VPS13B: variants seen among roughly 807,000 people sequenced by gnomAD.
VPS13B encodes intermembrane lipid transfer protein VPS13B.
A neutral mutation model predicts 426.4 loss-of-function variants in VPS13B; 285 were observed. The observed-to-expected ratio is 0.67, with a 90% CI of 0.61 to 0.74. The LOEUF is 0.74. VPS13B is among the 30% of genes least tolerant of loss of function. VPS13B has a pLI of 0.00. For missense variants in VPS13B, 4,537 were observed against 4,782.6 expected (o/e 0.95, Z 1.51); for synonymous variants, 1,676 against 1,676.4 (o/e 1.00, Z 0.01).
chr8:99,407,211 AAAG>A (rs1455219084), intron 21 of VPS13B, among the ~76,000 whole-genome samples: 1 of 152,206 alleles, frequency 6.6e-6, no homozygotes, highest in Non-Finnish European at 1.5e-5. Context: ...CCAGGGAAAC[AAAG>A]AAGAAAGTAC....
intron 24 of VPS13B, among the ~76,000 whole-genome samples, chr8:99,472,634 A>T (rs1382281866): frequency 6.6e-6 from 1 of 151,976 alleles, no homozygotes. Flanking sequence ...CTAAGAAAAG[A>T]ACAAGAGAAA....
At chr8:99,651,659 T>A (rs1244363244) in intron 34 of VPS13B, among the ~76,000 whole-genome samples, 2 of 152,170 alleles carry the variant, frequency 1.3e-5, no homozygotes, top group African/African-American at 4.8e-5. Context: ...TTAGTTGTGT[T>A]TATAAATATT....
chr8:99,705,717 T>C (rs1478414007), intron 36 of VPS13B, among the ~76,000 whole-genome samples: 3 of 152,206 alleles, frequency 2.0e-5, no homozygotes, highest in African/African-American at 7.2e-5. Flanking sequence ...ATTTTTAAAA[T>C]GTTGTTTATG....
intron 59 of VPS13B, 77 bp downstream of exon 59, chr8:99,868,542 AGT>A (rs1817219616): frequency 6.6e-7 from 1 of 1,523,522 alleles, no homozygotes; most frequent in Non-Finnish European, 8.9e-7. Context: ...TCCCTAAGAT[AGT>A]GTAACCTTTC....
chr8:99,338,505 A>G (rs1338539244), intron 19 of VPS13B, among the ~76,000 whole-genome samples: 1 of 152,128 alleles, frequency 6.6e-6, no homozygotes, highest in Non-Finnish European at 1.5e-5. Context: ...CTGAGAAAAT[A>G]AGATGTGACT....
intron 35 of VPS13B, chr8:99,698,069 G>A (rs1057418801): frequency 3.0e-6 from 1 of 330,162 alleles, no homozygotes; most frequent in Non-Finnish European, 5.9e-6. Context: ...CCTGGCGAGG[G>A]CCGTGAGAGC....
At chr8:99,089,955 T>C (rs940116804) in intron 3 of VPS13B, among the ~76,000 whole-genome samples, 3 of 152,180 alleles carry the variant, frequency 2.0e-5, no homozygotes, top group African/African-American at 7.2e-5. Flanking sequence ...GTCTTATTGC[T>C]ACAAAAAGTC....
intron 19 of VPS13B, among the ~76,000 whole-genome samples, chr8:99,363,178 A>G (rs1337397232): frequency 1.3e-5 from 2 of 152,194 alleles, no homozygotes; most frequent in Admixed American, 6.5e-5. Flanking sequence ...TGATTTTTGC[A>G]TATGGCAAGA....
At chr8:99,781,388 A>G (rs546152416) in intron 42 of VPS13B, among the ~76,000 whole-genome samples, 8 of 152,286 alleles carry the variant, frequency 5.3e-5, no homozygotes, top group Middle Eastern at 3.4e-3. Flanking sequence ...TTAACTGCAA[A>G]TGCTTGTATG....
chr8:99,400,133 A>G (rs1009011267), intron 21 of VPS13B, among the ~76,000 whole-genome samples: 2 of 152,196 alleles, frequency 1.3e-5, no homozygotes, highest in African/African-American at 4.8e-5. Flanking sequence ...AAAGCTTTAG[A>G]AGGTAAATTA....
chr8:99,546,083 T>C (rs1314386893), intron 30 of VPS13B, among the ~76,000 whole-genome samples: 2 of 152,094 alleles, frequency 1.3e-5, no homozygotes, highest in African/African-American at 4.8e-5. Flanking sequence ...AATAGAGAAT[T>C]GCTTAATGAT....
intron 35 of VPS13B, among the ~76,000 whole-genome samples, chr8:99,668,927 GC>G (rs1830593890): frequency 6.6e-6 from 1 of 152,084 alleles, no homozygotes; most frequent in African/African-American, 2.4e-5. Context: ...ACTGCCCTCA[GC>G]TGACATGAGC....
At chr8:99,349,841 G>A (rs1010264865) in intron 19 of VPS13B, among the ~76,000 whole-genome samples, 4 of 152,122 alleles carry the variant, frequency 2.6e-5, no homozygotes, top group Admixed American at 6.5e-5. Context: ...CAGTATATAC[G>A]TATTTTTTAT....
intron 33 of VPS13B, among the ~76,000 whole-genome samples, chr8:99,619,362 A>G (rs1828252698): frequency 6.6e-6 from 1 of 152,168 alleles, no homozygotes; most frequent in Admixed American, 6.5e-5. Context: ...CTCTTAGGAT[A>G]GGGGAAAGTG....
At chr8:99,422,365 G>A (rs1207394200) in intron 21 of VPS13B, among the ~76,000 whole-genome samples, 1 of 152,114 alleles carries the variant, frequency 6.6e-6, no homozygotes, top group Non-Finnish European at 1.5e-5. Context: ...GTGGCGACTG[G>A]AAATATTGCT....
chr8:99,207,159 T>C (rs1331463928), intron 17 of VPS13B, among the ~76,000 whole-genome samples: 1 of 152,156 alleles, frequency 6.6e-6, no homozygotes, highest in Non-Finnish European at 1.5e-5. Flanking sequence ...TGAGAGCTCA[T>C]TTATAGAATA....
intron 20 of VPS13B, among the ~76,000 whole-genome samples, chr8:99,386,474 A>G (rs932449045): frequency 6.6e-6 from 1 of 152,140 alleles, no homozygotes; most frequent in Admixed American, 6.5e-5. Flanking sequence ...TATTGCTCCT[A>G]GGGTACAAAC....
At position 99,819,511 on chromosome 8, in the gene VPS13B, C is replaced by T. The variant is rs746757461; in HGVS notation, c.8721C>T (p.Ile2907=). The stretch of plus-strand genomic sequence containing the variant: ...ACCCTGGAGGCACAGTTAATCAGAT[C>T]CTTGACGAATTCTATGGGCCAGAAA... ...KVHPGGTVNQ[I]LDEFYGPEKS... is the part of the protein sequence containing the mutation. The change falls in exon 48 of 62, where the codon ATC becomes ATT. Residue 2907 remains isoleucine, a synonymous_variant. Coordinates refer to ENST00000357162, the MANE Select transcript of VPS13B (RefSeq NM_152564.5). 3.7e-6 allele frequency: 6 copies of T among 1,613,728 alleles called. No individual in the cohort carries two copies. The highest frequency in any genetic ancestry group is 3.3e-5 in the South Asian group (3 of 91,070).
chr8:99,028,345 AC>A (rs1275648280), intron 2 of VPS13B, among the ~76,000 whole-genome samples: 1 of 134,540 alleles, frequency 7.4e-6, no homozygotes, highest in Non-Finnish European at 1.6e-5. Context: ...CAGGGGGCTG[AC>A]CCCCCCACCT....
Sources: allele counts gnomAD v4.1 joint callset (sites outside exome capture counted in the v4.1 genomes callset), GRCh38; gene constraint gnomAD v4.1.1; transcripts MANE v1.5; gene names NCBI Gene and HGNC (gene_info 2026-07-23, HGNC 2026-07-21).